The following AGPS variants were observed in gnomAD, a reference collection of about 807,000 sequenced individuals.
The protein encoded by AGPS is alkylglycerone phosphate synthase.
A neutral mutation model predicts 90.7 loss-of-function variants in AGPS; 26 were observed. The ratio of observed to expected loss-of-function variants is 0.29; its 90% CI spans 0.21 to 0.40. The LOEUF is 0.40. Among genes scored for constraint, AGPS ranks in the 10% least tolerant of loss-of-function variants. AGPS has a pLI of 1.00. For synonymous variants in AGPS, 294 were observed against 285.3 expected (o/e 1.03, Z -0.31); for missense variants, 540 against 816.1 (o/e 0.66, Z 4.12).
chr2:177,409,379 A>C (rs1685555645), intron 1 of AGPS, among the ~76,000 whole-genome samples: 1 of 121,422 alleles, frequency 8.2e-6, no homozygotes, highest in South Asian at 3.1e-4. Flanking sequence ...CAGGTGATAT[A>C]TGATTTGACT....
rs182914669 is a variant in AGPS at position 177,492,920 on chromosome 2, T to C, written c.1234-228T>C. 6.0e-3 allele frequency among the ~76,000 whole-genome samples: 742 copies of C among 123,598 alleles called. 6 individuals carry two copies. The highest frequency in any genetic ancestry group is 0.019 in the African/African-American group (705 of 37,282). 81.1% of individuals were successfully genotyped at this position (123,598 alleles called of 152,430 possible). A position where few individuals can be genotyped will look rare whatever the true frequency, so the allele number is the denominator to read the frequency against. ...AATTTAAAATCTGTTAACTTATGTT[T>C]GTATTTATTTATCTATATCTGTAGA... On this transcript the variant is annotated intron_variant, in intron 11 of 19. Coordinates refer to ENST00000264167, the MANE Select transcript of AGPS (RefSeq NM_003659.4).
chr2:177,522,620 A>AT (rs1034183555), intron 18 of AGPS, among the ~76,000 whole-genome samples: 1 of 151,906 alleles, frequency 6.6e-6, no homozygotes, highest in Non-Finnish European at 1.5e-5. Context: ...TGCCTGGCTA[A>AT]TTTTTTGTAT....
In AGPS at chr2:177,420,430, T is replaced by G. The variant is rs1685910983; in HGVS notation, c.350+72T>G. 3.6e-6 allele frequency: 4 copies of G among 1,115,282 alleles called. No individual in the cohort carries two copies. In the African/African-American group the frequency reaches 6.2e-5, roughly 17 times the overall value. The allele number at this position is 1,115,282 out of a possible 1,614,324, so 69.1% of individuals were successfully genotyped here. A position where few individuals can be genotyped will look rare whatever the true frequency, so the allele number is the denominator to read the frequency against. On this transcript the variant is annotated intron_variant, in intron 2 of 19. Coordinates refer to ENST00000264167, the MANE Select transcript of AGPS (RefSeq NM_003659.4). The stretch of plus-strand genomic sequence containing the variant: ...TTCTATGAAAAATTTTAAACACACA[T>G]GAAAATATAATGATTCCTCCTTGAG...
intron 2 of AGPS, among the ~76,000 whole-genome samples, chr2:177,424,452 ATT>A (rs58067920): frequency 0.031 from 4,709 of 151,206 alleles, 249 homozygotes; most frequent in African/African-American, 0.11. Context: ...TAATAGAATG[ATT>A]TTTTTTTTTG....
intron 10 of AGPS, among the ~76,000 whole-genome samples, chr2:177,470,020 A>G (rs1332451241): frequency 6.6e-6 from 1 of 152,228 alleles, no homozygotes; most frequent in East Asian, 1.9e-4. Flanking sequence ...TTCCCCAGGG[A>G]GGCCATACCT....
At chr2:177,416,817 CTG>C (rs1265675842) in intron 1 of AGPS, among the ~76,000 whole-genome samples, 1 of 152,162 alleles carries the variant, frequency 6.6e-6, no homozygotes, top group African/African-American at 2.4e-5. Flanking sequence ...GTGTGAGCCA[CTG>C]TGCCTGGCCC....
chr2:177,398,023 CTG>C (rs1025443269), intron 1 of AGPS, among the ~76,000 whole-genome samples: 2 of 152,164 alleles, frequency 1.3e-5, no homozygotes, highest in African/African-American at 4.8e-5. Flanking sequence ...CAGGGCGAGA[CTG>C]TGTCTCAAAA....
At chr2:177,510,604 T>C (rs1195696565) in intron 16 of AGPS, among the ~76,000 whole-genome samples, 1 of 152,200 alleles carries the variant, frequency 6.6e-6, no homozygotes, top group African/African-American at 2.4e-5. Context: ...TTTTCATCTA[T>C]TCTTTATATA....
At chr2:177,529,653 G>A (rs2079120020) in intron 19 of AGPS, among the ~76,000 whole-genome samples, 1 of 152,118 alleles carries the variant, frequency 6.6e-6, no homozygotes, top group South Asian at 2.1e-4. Flanking sequence ...GAGAAGTAGG[G>A]TAAAATAATG....
At chr2:177,456,195 G>A (rs1467216622) in intron 8 of AGPS, among the ~76,000 whole-genome samples, 1 of 152,160 alleles carries the variant, frequency 6.6e-6, no homozygotes, top group East Asian at 1.9e-4. Flanking sequence ...GGGGAACGTG[G>A]TGGGTGAATA....
chr2:177,530,560 A>G (rs547212238), intron 19 of AGPS, among the ~76,000 whole-genome samples: 1 of 152,198 alleles, frequency 6.6e-6, no homozygotes, highest in Non-Finnish European at 1.5e-5. Context: ...AGGCAGTGTC[A>G]TGACACTCTC....
chr2:177,442,828 CAAAA>C (rs71007994), intron 7 of AGPS, among the ~76,000 whole-genome samples: 4 of 99,380 alleles, frequency 4.0e-5, no homozygotes, highest in Admixed American at 1.1e-4. Context: ...GCCTGGGTGA[CAAAA>C]AAAAAAAAAA....
At chr2:177,490,705 T>G (rs1310534847) in intron 11 of AGPS, among the ~76,000 whole-genome samples, 1 of 152,120 alleles carries the variant, frequency 6.6e-6, no homozygotes, top group Non-Finnish European at 1.5e-5. Context: ...ATTTGAAAAT[T>G]TTAAGCATAC....
chr2:177,493,118 G>A (rs773113448), intron 11 of AGPS, 30 bp from the exon 12 acceptor site: 1 of 1,583,462 alleles, frequency 6.3e-7, no homozygotes, highest in Non-Finnish European at 8.7e-7. Context: ...TATTAAATTT[G>A]TATCACTTTT....
At chr2:177,485,353 T>C (rs895191052) in intron 11 of AGPS, among the ~76,000 whole-genome samples, 5 of 152,238 alleles carry the variant, frequency 3.3e-5, no homozygotes, top group African/African-American at 1.2e-4. Context: ...TGTACAAATG[T>C]ATCAAAATAC....
Position 177,539,648 on chromosome 2 carries a change from G to A in AGPS, c.*1453G>A, listed in dbSNP as rs1292648972. The A allele has an allele frequency of 6.6e-6, 1 of 151,926 alleles. No individual in the cohort carries two copies. The highest frequency in any genetic ancestry group is 1.5e-5 in the Non-Finnish European group (1 of 67,900). 9.4% of individuals were successfully genotyped at this position (151,926 alleles called of 1,614,324 possible). ...TTTGATACCTTTTATATCTGAAGTA[G>A]CCTTAACCAGAAAAATGGTAATTTA... On this transcript the variant is annotated 3_prime_UTR_variant, in exon 20 of 20. Transcript: ENST00000264167.
At chr2:177,414,558 G>C (rs1343367489) in intron 1 of AGPS, among the ~76,000 whole-genome samples, 1 of 152,092 alleles carries the variant, frequency 6.6e-6, no homozygotes, top group African/African-American at 2.4e-5. Context: ...TTGACTGTAG[G>C]TAGTTAAATG....
chr2:177,512,242 T>C (rs890129497), intron 16 of AGPS, among the ~76,000 whole-genome samples: 49 of 152,190 alleles, frequency 3.2e-4, no homozygotes, highest in African/African-American at 1.1e-3. Context: ...ATATCAGTCA[T>C]CTAAATGTTT....
chr2:177,477,833 T>G (rs1246037411), intron 10 of AGPS, among the ~76,000 whole-genome samples: 2 of 152,198 alleles, frequency 1.3e-5, no homozygotes, highest in Non-Finnish European at 2.9e-5. Flanking sequence ...TTGTATATGT[T>G]ATAGATCCAA....
Sources: gnomAD v4.1 joint callset for allele counts (sites outside exome capture counted in the v4.1 genomes callset) on GRCh38, gnomAD v4.1.1 for gene constraint, MANE v1.5 for transcripts, NCBI Gene and HGNC (gene_info 2026-07-23, HGNC 2026-07-21) for gene names.